MYO5B: variants seen among roughly 807,000 people sequenced by gnomAD.
MYO5B encodes myosin VB.
Under a neutral mutation model 229.3 loss-of-function variants are expected in MYO5B, and 143 were observed. The observed-to-expected ratio is 0.62, with a 90% CI of 0.54 to 0.72. The LOEUF is 0.72. Ranked by LOEUF, MYO5B falls within the 30% of genes least tolerant of loss-of-function variation. The probability of loss-of-function intolerance (pLI) is 0.00; values close to 1 mark genes in which losing one functional copy is unlikely to be tolerated. For synonymous variants in MYO5B, 918 were observed against 885.2 expected, an observed-to-expected ratio of 1.04 and a Z score of -0.66; for missense variants, 2,321 against 2,331.0, an observed-to-expected ratio of 1.00 and a Z score of 0.09.
intron 14 of MYO5B, among the ~76,000 whole-genome samples, chr18:49,944,952 T>C (rs12970560): frequency 0.35 from 53,805 of 152,080 alleles, 10,629 homozygotes; most frequent in Middle Eastern, 0.58. Flanking sequence ...TCAAGTCCAA[T>C]GGCTAGAAGT....
chr18:49,974,285 C>T, intron 10 of MYO5B, 65 bp downstream of exon 10: 1 of 1,608,462 alleles, frequency 6.2e-7, no homozygotes, highest in South Asian at 1.1e-5. Flanking sequence ...CCCCTGCTGG[C>T]TGTAAAGTAT....
At chr18:49,913,857 A>T (rs141078302) in intron 17 of MYO5B, among the ~76,000 whole-genome samples, 2 of 152,044 alleles carry the variant, frequency 1.3e-5, no homozygotes, top group African/African-American at 4.8e-5. Context: ...CGACAGAAAG[A>T]GAGAAGAGAA....
intron 11 of MYO5B, 143 bp from the exon 12 acceptor site, chr18:49,962,549 T>C: frequency 8.4e-7 from 1 of 1,194,052 alleles, no homozygotes; most frequent in Non-Finnish European, 1.2e-6. Flanking sequence ...TAGTTATGAC[T>C]GCAGAAAAGC....
intron 27 of MYO5B, among the ~76,000 whole-genome samples, chr18:49,869,084 C>A (rs977637183): frequency 5.3e-5 from 8 of 152,166 alleles, no homozygotes; most frequent in African/African-American, 1.2e-4. Context: ...AGCTGAGTGG[C>A]CAGGTGTATC....
intron 4 of MYO5B, among the ~76,000 whole-genome samples, chr18:50,007,050 C>A (rs1242445266): frequency 6.6e-6 from 1 of 152,168 alleles, no homozygotes; most frequent in African/African-American, 2.4e-5. Context: ...GCCAAGTGTC[C>A]CGCTGCAGAC....
intron 5 of MYO5B, among the ~76,000 whole-genome samples, chr18:49,997,842 G>A (rs1385845687): frequency 6.6e-6 from 1 of 152,162 alleles, no homozygotes; most frequent in Admixed American, 6.5e-5. Flanking sequence ...CTGCTGGGCA[G>A]CAGACGCAAT....
intron 1 of MYO5B, among the ~76,000 whole-genome samples, chr18:50,160,067 G>A (rs150541220): frequency 6.6e-6 from 1 of 152,336 alleles, no homozygotes; most frequent in African/African-American, 2.4e-5. Context: ...TCTGTCCATG[G>A]GACCACATGC....
chr18:49,899,827 T>C (rs1025345262), intron 21 of MYO5B, among the ~76,000 whole-genome samples: 2 of 152,174 alleles, frequency 1.3e-5, no homozygotes, highest in Admixed American at 1.3e-4. Flanking sequence ...TCTTTTCTGA[T>C]CACCCTCTAC....
intron 17 of MYO5B, among the ~76,000 whole-genome samples, chr18:49,924,101 G>A (rs975941956): frequency 1.3e-5 from 2 of 152,136 alleles, no homozygotes; most frequent in African/African-American, 4.8e-5. Context: ...TTTAAACTGA[G>A]CTTTCTAATT....
intron 27 of MYO5B, among the ~76,000 whole-genome samples, chr18:49,868,602 A>G (rs1373492159): frequency 6.6e-6 from 1 of 152,198 alleles, no homozygotes; most frequent in Non-Finnish European, 1.5e-5. Flanking sequence ...CAGCACAGTC[A>G]TGGCTCCTTT....
At chr18:50,005,032 C>T (rs961245028) in intron 4 of MYO5B, among the ~76,000 whole-genome samples, 2 of 152,146 alleles carry the variant, frequency 1.3e-5, no homozygotes, top group African/African-American at 4.8e-5. Context: ...TCCCTGAAGC[C>T]CAAGCTCTTC....
chr18:49,849,997 G>C lies in MYO5B; in HGVS notation c.4222-337C>G, dbSNP rs1366510245. 1.3e-5 allele frequency: 5 copies of C among 385,248 alleles called. No homozygotes were observed. In the East Asian group the frequency reaches 1.9e-4, roughly 14 times the overall value. 23.9% of individuals were successfully genotyped at this position (385,248 alleles called of 1,614,324 possible). ...CCCAGGAGACACACTCAGCCTAGGA[G>C]TCCCAGGGTGGGGCGGGCAGCGCCC... On this transcript the variant is annotated intron_variant, in intron 31 of 39. Transcript: ENST00000285039.
At chr18:49,981,056 C>T (rs9962975) in intron 8 of MYO5B, among the ~76,000 whole-genome samples, 12,506 of 152,260 alleles carry the variant, frequency 0.082, 1,039 homozygotes, top group African/African-American at 0.21. Context: ...GGCCAGCTGG[C>T]CCCTGGCCAT....
intron 1 of MYO5B, among the ~76,000 whole-genome samples, chr18:50,125,851 C>T (rs765445804): frequency 6.6e-5 from 10 of 152,192 alleles, no homozygotes; most frequent in Non-Finnish European, 1.2e-4. Context: ...CTAACACATA[C>T]TATCACATGG....
intron 23 of MYO5B, 69 bp downstream of exon 23, chr18:49,880,302 T>C: frequency 7.6e-7 from 1 of 1,323,146 alleles, no homozygotes; most frequent in Non-Finnish European, 1.1e-6. Context: ...TTGCTAGGAG[T>C]CTTTGGGAGA....
chr18:50,125,831 G>A (rs1002729206), intron 1 of MYO5B, among the ~76,000 whole-genome samples: 2 of 152,154 alleles, frequency 1.3e-5, no homozygotes, highest in African/African-American at 4.8e-5. Context: ...CCTTAAAAGG[G>A]AAGGAAATTC....
intron 1 of MYO5B, chr18:50,097,612 T>C (rs2031577452): frequency 4.8e-6 from 1 of 210,172 alleles, no homozygotes; most frequent in Non-Finnish European, 9.7e-6. Context: ...CAGCAGAATG[T>C]AGGGCTTCCT....
At chr18:50,066,004 TG>T (rs1568092895) in intron 1 of MYO5B, among the ~76,000 whole-genome samples, 1 of 151,690 alleles carries the variant, frequency 6.6e-6, no homozygotes, top group Admixed American at 6.6e-5. Context: ...AAAATGACAC[TG>T]GCAAGAGATG....
intron 1 of MYO5B, among the ~76,000 whole-genome samples, chr18:50,096,555 G>C (rs1477785920): frequency 2.0e-5 from 3 of 152,032 alleles, no homozygotes; most frequent in African/African-American, 7.3e-5. Context: ...CCTGGATCAA[G>C]GTCACACTTC....
Sources: allele counts gnomAD v4.1 joint callset (sites outside exome capture counted in the v4.1 genomes callset), GRCh38; gene constraint gnomAD v4.1.1; transcripts MANE v1.5; gene names NCBI Gene and HGNC (gene_info 2026-07-23, HGNC 2026-07-21).